SMIM8: variants seen among roughly 807,000 people sequenced by gnomAD.
The protein encoded by SMIM8 is UPF0708 protein C6orf162.
Under a neutral mutation model 8.1 loss-of-function variants are expected in SMIM8, and 8 were observed. The observed-to-expected ratio is 0.99, with a 90% CI of 0.58 to 1.78. The LOEUF (loss-of-function observed/expected upper bound fraction) is 1.78. Among genes scored for constraint, SMIM8 ranks in the 40% most tolerant of loss-of-function variants. SMIM8 has a pLI of 0.00. For synonymous variants in SMIM8, 45 were observed against 39.7 expected, an observed-to-expected ratio of 1.13 and a Z score of -0.50; for missense variants, 126 against 119.8, an observed-to-expected ratio of 1.05 and a Z score of -0.24.
intron 2 of SMIM8, among the ~76,000 whole-genome samples, chr6:87,333,587 T>C (rs117719289): frequency 0.037 from 5,681 of 152,252 alleles, 164 homozygotes; most frequent in Non-Finnish European, 0.054. Context: ...ATGGTAGTAG[T>C]GGAAGCAGTA....
At position 87,337,155 on chromosome 6, in the gene SMIM8, T is replaced by G. The variant is rs1383569266; in HGVS notation, c.124T>G (p.Phe42Val). The G allele has an allele frequency of 2.5e-6, 4 of 1,610,404 alleles. No individual in the cohort carries two copies. The highest frequency in any genetic ancestry group is 3.4e-6 in the Non-Finnish European group (4 of 1,178,120). The change falls in exon 3 of 4, where the codon TTC becomes GTC. Residue 42 changes from phenylalanine to valine, a missense_variant. Physicochemically the swap from Phe to Val is conservative, Grantham distance 50. Transcript: ENST00000392863. ...TLFRAVNPEL[F>V]IKPNKPVMAF... ...ATTTCGTGCTGTGAATCCAGAGCTC[T>G]TCATTAAACCTGTAAGAAATACATC...
At chr6:87,327,104 G>A (rs566641855) in intron 1 of SMIM8, among the ~76,000 whole-genome samples, 1 of 150,760 alleles carries the variant, frequency 6.6e-6, no homozygotes, top group African/African-American at 2.4e-5. Context: ...GCTTTTTTTT[G>A]TTTTCCATTT....
At chr6:87,335,340 C>A (rs1182854633) in intron 2 of SMIM8, among the ~76,000 whole-genome samples, 1 of 152,126 alleles carries the variant, frequency 6.6e-6, no homozygotes, top group African/African-American at 2.4e-5. Context: ...TCCCAAGTTA[C>A]CAAATCCTGA....
chr6:87,323,331 A>T (rs184606930), intron 1 of SMIM8, among the ~76,000 whole-genome samples: 1 of 152,268 alleles, frequency 6.6e-6, no homozygotes, highest in African/African-American at 2.4e-5. Context: ...TGTGCAGGTT[A>T]GTTACATATG....
rs1777234598 is a variant in SMIM8 at position 87,341,501 on chromosome 6, C to T, written c.*1227C>T. The stretch of plus-strand genomic sequence containing the variant: ...ACCCGTTTCATTTCTAGATATATAC[C>T]TAATTCTCCAAATCATTGTCATTGG... On this transcript the variant is annotated 3_prime_UTR_variant, in exon 4 of 4. Transcript: ENST00000392863. The T allele has an allele frequency of 2.6e-6, 1 of 387,294 alleles. No homozygotes were observed. Among genetic ancestry groups the T allele is most frequent in the Non-Finnish European group, 4.6e-6 (1 of 219,682 alleles). 24.0% of individuals were successfully genotyped at this position (387,294 alleles called of 1,614,324 possible). A position where few individuals can be genotyped will look rare whatever the true frequency, so the allele number is the denominator to read the frequency against.
At chr6:87,338,903 A>T (rs78027518) in intron 3 of SMIM8, among the ~76,000 whole-genome samples, 14,489 of 147,544 alleles carry the variant, frequency 0.098, 813 homozygotes, top group East Asian at 0.12. Flanking sequence ...CTGTATTTAA[A>T]AGCTTTTTTT....
rs976524242 is a variant in SMIM8, at chr6:87,331,915, T to C, written c.-24+1203T>C. ...AGAAAGTGTCAGTAACAGTGGAAAT[T>C]GTGGTATATTAAATCTTTTAAAAAT... On this transcript the variant is annotated intron_variant, in intron 2 of 3. Transcript: ENST00000392863. Among the ~76,000 whole-genome samples the C allele has an allele frequency of 3.3e-5, 5 of 152,264 alleles. No individual in the cohort carries two copies. In the East Asian group the frequency reaches 9.6e-4, roughly 29 times the overall value.
chr6:87,328,689 A>T (rs1286715655), intron 1 of SMIM8, among the ~76,000 whole-genome samples: 11 of 152,020 alleles, frequency 7.2e-5, no homozygotes, highest in Non-Finnish European at 1.5e-4. Context: ...TCTGCAGAGG[A>T]TACTGCTGTC....
chr6:87,328,091 G>A (rs1776879711), intron 1 of SMIM8, among the ~76,000 whole-genome samples: 1 of 152,104 alleles, frequency 6.6e-6, no homozygotes, highest in Admixed American at 6.5e-5. Flanking sequence ...CTTGAGCCTT[G>A]GTTTTCAGCT....
chr6:87,330,536 T>C (rs1226469709), intron 1 of SMIM8, among the ~76,000 whole-genome samples, 156 bp from the exon 2 acceptor site: 1 of 152,134 alleles, frequency 6.6e-6, no homozygotes, highest in Non-Finnish European at 1.5e-5. Context: ...ACTCTCGGTG[T>C]AGGACCATCT....
At chr6:87,337,783 T>C (rs1268022944) in intron 3 of SMIM8, among the ~76,000 whole-genome samples, 4 of 152,132 alleles carry the variant, frequency 2.6e-5, no homozygotes, top group Non-Finnish European at 4.4e-5. Flanking sequence ...CACGCCTTTA[T>C]GCCTGGCTCA....
intron 3 of SMIM8, among the ~76,000 whole-genome samples, chr6:87,339,374 A>C (rs1457051347): frequency 1.2e-5 from 1 of 85,592 alleles, no homozygotes; most frequent in African/African-American, 4.4e-5. Flanking sequence ...GTGTGTGTGA[A>C]ATCCTGTCTC....
chr6:87,337,073 A>G lies in SMIM8; in HGVS notation c.42A>G (p.Pro14=), dbSNP rs1777129635. Residue 14 remains proline, a synonymous_variant, in exon 3 of 4, where the codon CCA becomes CCG. Transcript: ENST00000392863. ...AGCCTCCAACATTCAAAAAGGAACC[A>G]CCCAAAGAGAAAGAGTTTCAAAGCC... is the stretch of plus-strand genomic sequence containing the variant. ...APEPPTFKKE[P]PKEKEFQSPG... is the part of the protein sequence containing the mutation. 1.2e-6 allele frequency: 2 copies of G among 1,612,818 alleles called. No homozygotes were observed. Among genetic ancestry groups the G allele is most frequent in the African/African-American group, 2.7e-5 (2 of 75,016 alleles).
chr6:87,331,583 C>T (rs561416595), intron 2 of SMIM8, among the ~76,000 whole-genome samples: 3 of 152,216 alleles, frequency 2.0e-5, no homozygotes, highest in South Asian at 2.1e-4. Context: ...AGAATTTTCT[C>T]GTATGTAGAA....
At chr6:87,331,322 T>A (rs1341430431) in intron 2 of SMIM8, among the ~76,000 whole-genome samples, 2 of 152,242 alleles carry the variant, frequency 1.3e-5, no homozygotes, top group East Asian at 1.9e-4. Context: ...ACTTTATGAT[T>A]AGTTCTGCAG....
intron 1 of SMIM8, among the ~76,000 whole-genome samples, chr6:87,323,678 T>A (rs972855569): frequency 6.6e-6 from 1 of 152,190 alleles, no homozygotes; most frequent in East Asian, 1.9e-4. Context: ...CTATCATTGT[T>A]GGACATTTGG....
At chr6:87,338,600 T>C (rs1477787409) in intron 3 of SMIM8, among the ~76,000 whole-genome samples, 3 of 152,220 alleles carry the variant, frequency 2.0e-5, no homozygotes, top group Non-Finnish European at 4.4e-5. Flanking sequence ...TTCAAAATTA[T>C]TACTTAGCTC....
At chr6:87,337,341 C>T (rs242278) in intron 3 of SMIM8, among the ~76,000 whole-genome samples, 175 bp downstream of exon 3, 65,889 of 151,994 alleles carry the variant, frequency 0.43, 14,636 homozygotes, top group Non-Finnish European at 0.48. Flanking sequence ...TATAAATACA[C>T]ATATAAAAGT....
intron 2 of SMIM8, among the ~76,000 whole-genome samples, 163 bp from the exon 3 acceptor site, chr6:87,336,846 A>G (rs530567638): frequency 6.6e-6 from 1 of 152,328 alleles, no homozygotes; most frequent in Non-Finnish European, 1.5e-5. Flanking sequence ...AAGTTAAAGC[A>G]CCATTTACAA....
Sources: gnomAD v4.1 joint callset for allele counts (sites outside exome capture counted in the v4.1 genomes callset) on GRCh38, gnomAD v4.1.1 for gene constraint, MANE v1.5 for transcripts, NCBI Gene and HGNC (gene_info 2026-07-23, HGNC 2026-07-21) for gene names.